The following ZNF469 variants were observed in gnomAD, a reference collection of about 807,000 sequenced individuals.
ZNF469 encodes zinc finger protein 469.
ZNF469 carries 1 observed loss-of-function variant against 1.0 expected under a neutral mutation model. The ratio of observed to expected loss-of-function variants is 1.00; its 90% confidence interval spans 0.35 to 4.73. The LOEUF is 4.73. ZNF469 is among the 30% of genes most tolerant of loss of function. The pLI, the probability that ZNF469 is intolerant of heterozygous loss-of-function variation, is 0.16. For missense variants in ZNF469, 6,100 were observed against 5,356.3 expected, an observed-to-expected ratio of 1.14 and a Z score of -4.33; for synonymous variants, 2,703 against 2,363.4, an observed-to-expected ratio of 1.14 and a Z score of -4.17.
chr16:88,394,029 T>C (rs1904576513), intron 1 of ZNF469, among the ~76,000 whole-genome samples: 1 of 152,030 alleles, frequency 6.6e-6, no homozygotes, highest in South Asian at 2.1e-4. Flanking sequence ...ACACCTGTGC[T>C]GTCCAAGAGG....
rs1267260740 is a variant in ZNF469 at position 88,432,057 on chromosome 16, C to G, written c.4587C>G (p.Pro1529=). The G allele has an allele frequency of 5.2e-6, 8 of 1,550,554 alleles. No individual in the cohort carries two copies. Among genetic ancestry groups the G allele is most frequent in the South Asian group, 1.2e-5 (1 of 84,054 alleles). Residue 1529 remains proline (P), a synonymous_variant, in exon 3 of 3, where the codon CCC becomes CCG. Coordinates refer to ENST00000565624, the MANE Select transcript of ZNF469 (RefSeq NM_001367624.2). ...GAAAGGTGCTCAGTAAGACGTGTCC[C>G]CCTGAACGGACAGTGGTTCCCGGCG... ...SGGKVLSKTC[P]PERTVVPGAA...
chr16:88,108,245 G>T, the ZNF469 span, among the ~76,000 whole-genome samples: 1 of 146,800 alleles, frequency 6.8e-6, no homozygotes, highest in Admixed American at 6.7e-5. Context: ...GGGGAGGGGG[G>T]TCCATGTCTG....
At chr16:88,119,529 C>A in the ZNF469 span, among the ~76,000 whole-genome samples, 7 of 152,260 alleles carry the variant, frequency 4.6e-5, no homozygotes. Flanking sequence ...AAGTTTTCGT[C>A]AGAATGCCTC....
chr16:88,335,000 G>A, the ZNF469 span, among the ~76,000 whole-genome samples: 16 of 152,194 alleles, frequency 1.1e-4, no homozygotes, highest in Non-Finnish European at 2.2e-4. Flanking sequence ...AGATGCCAAC[G>A]GGAGGACACA....
intron 1 of ZNF469, among the ~76,000 whole-genome samples, chr16:88,397,201 A>G (rs1904710416): frequency 1.3e-5 from 2 of 152,238 alleles, no homozygotes; most frequent in African/African-American, 4.8e-5. Flanking sequence ...TATGAGTTCC[A>G]GCAAAGGACC....
the ZNF469 span, among the ~76,000 whole-genome samples, chr16:88,243,924 A>ATC: frequency 3.5e-5 from 3 of 85,440 alleles, no homozygotes; most frequent in Admixed American, 2.3e-4. Flanking sequence ...ATATATATAT[A>ATC]TATATATATA....
At position 88,437,275 on chromosome 16, in the gene ZNF469, G is replaced by A. The variant is rs1049120209; in HGVS notation, c.9805G>A (p.Glu3269Lys). ...AGAAGCCAAGAAAGACAGCCCGGGC[G>A]AGAGGGCGAAACCCCGGGCACGCAG... is the stretch of plus-strand genomic sequence containing the variant. ...EGEAKKDSPG[E>K]RAKPRARSTP... Residue 3269 changes from glutamate (E) to lysine (K), a missense_variant, in exon 3 of 3, where the codon GAG (glutamate) becomes AAG (lysine). Coordinates refer to ENST00000565624, the MANE Select transcript of ZNF469 (RefSeq NM_001367624.2). 42 of 1,548,316 alleles carry A rather than the reference G, an allele frequency of 2.7e-5. No individual in the cohort carries two copies. The African/African-American group carries it at 5.5e-4, about 20-fold the overall frequency.
the ZNF469 span, among the ~76,000 whole-genome samples, chr16:88,328,932 A>G: frequency 6.6e-6 from 1 of 152,196 alleles, no homozygotes; most frequent in Non-Finnish European, 1.5e-5. Context: ...GAGCAGAGTC[A>G]AACCGAATCA....
the ZNF469 span, among the ~76,000 whole-genome samples, chr16:88,147,454 G>A: frequency 6.6e-6 from 1 of 152,084 alleles, no homozygotes; most frequent in Non-Finnish European, 1.5e-5. Context: ...CACCGACTGG[G>A]GTCCAGGGCT....
Position 88,431,461 on chromosome 16 carries a change from G to C in ZNF469, c.3991G>C (p.Val1331Leu). The change falls in exon 3 of 3, where the codon GTG becomes CTG. Residue 1331 changes from valine to leucine, a missense_variant. Transcript: ENST00000565624. ...CCAGCCTGGAGAATTTCTGGCACCC[G>C]TGGCTAACCCCTCAAGTACCGCCTG... ...ARQPGEFLAP[V>L]ANPSSTACPK... is the part of the protein sequence containing the mutation. 1 of 1,550,390 alleles carries C rather than the reference G, an allele frequency of 6.4e-7. No homozygotes were observed. Among genetic ancestry groups the C allele is most frequent in the African/African-American group, 1.4e-5 (1 of 73,174 alleles).
chr16:88,224,304 G>A, the ZNF469 span, among the ~76,000 whole-genome samples: 47 of 152,350 alleles, frequency 3.1e-4, no homozygotes, highest in African/African-American at 1.1e-3. Context: ...GAGGCAGGGT[G>A]TTAGCCAAGC....
the ZNF469 span, among the ~76,000 whole-genome samples, chr16:88,230,247 G>A: frequency 2.0e-5 from 3 of 152,262 alleles, no homozygotes; most frequent in Non-Finnish European, 4.4e-5. Context: ...TCCACCTTCA[G>A]CTGGAGCCTG....
At chr16:88,151,382 T>C in the ZNF469 span, among the ~76,000 whole-genome samples, 72 of 152,324 alleles carry the variant, frequency 4.7e-4, no homozygotes, top group African/African-American at 1.7e-3. The surrounding 1 kb of genome is among the most constrained non-coding windows in gnomAD (Gnocchi z 5.4). Context: ...CGGGGAGCGC[T>C]GGGCGGCTGC....
chr16:88,186,522 T>C, the ZNF469 span, among the ~76,000 whole-genome samples: 1 of 152,076 alleles, frequency 6.6e-6, no homozygotes, highest in Non-Finnish European at 1.5e-5. Flanking sequence ...AAGCCTGCAC[T>C]TCAGCCCCAG....
chr16:88,283,848 C>T, the ZNF469 span, among the ~76,000 whole-genome samples: 1 of 142,708 alleles, frequency 7.0e-6, no homozygotes, highest in East Asian at 2.1e-4. Flanking sequence ...TGCCCAAGGT[C>T]TGCAGAGGCT....
At chr16:88,210,975 A>T in the ZNF469 span, among the ~76,000 whole-genome samples, 1 of 152,280 alleles carries the variant, frequency 6.6e-6, no homozygotes, top group Non-Finnish European at 1.5e-5. Context: ...TTGCCTTAGC[A>T]GTAGGAATTA....
At chr16:88,219,192 C>T in the ZNF469 span, among the ~76,000 whole-genome samples, 76 of 149,056 alleles carry the variant, frequency 5.1e-4, no homozygotes, top group African/African-American at 1.8e-3. Context: ...GGCCATACTG[C>T]CCAAGGTAAT....
chr16:88,238,188 C>G, the ZNF469 span, among the ~76,000 whole-genome samples: 1 of 151,654 alleles, frequency 6.6e-6, no homozygotes, highest in Non-Finnish European at 1.5e-5. Flanking sequence ...GATGCCCACG[C>G]TGCCATGTGG....
chr16:88,359,257 G>A, the ZNF469 span, among the ~76,000 whole-genome samples: 14 of 151,572 alleles, frequency 9.2e-5, no homozygotes, highest in South Asian at 6.3e-4. Flanking sequence ...CCGGGGGCTC[G>A]GTACCCTGCC....
Sources: allele counts gnomAD v4.1 joint callset (sites outside exome capture counted in the v4.1 genomes callset), GRCh38; gene constraint gnomAD v4.1.1; non-coding constraint Gnocchi (gnomAD v3.1); transcripts MANE v1.5; gene names NCBI Gene and HGNC (gene_info 2026-07-23, HGNC 2026-07-21).